The following ITGB5 variants were observed in gnomAD, a reference collection of about 807,000 sequenced individuals.
ITGB5 encodes the protein integrin subunit beta 5.
In ITGB5, 38 loss-of-function variants were observed where a neutral mutation model predicts 84.8. The ratio of observed to expected loss-of-function variants is 0.45; its 90% CI spans 0.35 to 0.59. The LOEUF (loss-of-function observed/expected upper bound fraction) is 0.59. Among genes scored for constraint, ITGB5 ranks in the 20% least tolerant of loss-of-function variants. The probability of loss-of-function intolerance (pLI) is 0.01; values close to 1 mark genes in which losing one functional copy is unlikely to be tolerated. For missense variants in ITGB5, 905 were observed against 1,034.5 expected (o/e 0.87, Z 1.72); for synonymous variants, 393 against 414.4 (o/e 0.95, Z 0.63).
At chr3:124,821,258 G>C in intron 6 of ITGB5, 55 bp downstream of exon 6, 1 of 1,557,348 alleles carries the variant, frequency 6.4e-7, no homozygotes, top group Non-Finnish European at 8.7e-7. Context: ...CTAAGACCAC[G>C]GGCAGGGTCA....
At chr3:124,883,698 T>C (rs1190606589) in intron 1 of ITGB5, among the ~76,000 whole-genome samples, 2 of 152,232 alleles carry the variant, frequency 1.3e-5, no homozygotes, top group African/African-American at 2.4e-5. Context: ...GATTGCTTTT[T>C]TAAAAAGAAA....
At chr3:124,812,302 A>G (rs1378536320) in intron 8 of ITGB5, among the ~76,000 whole-genome samples, 2 of 152,240 alleles carry the variant, frequency 1.3e-5, no homozygotes, top group Non-Finnish European at 2.9e-5. Context: ...AGTAGGAAAC[A>G]AGATGATGTT....
At chr3:124,790,771 C>T (rs2064138843) in intron 10 of ITGB5, among the ~76,000 whole-genome samples, 1 of 151,792 alleles carries the variant, frequency 6.6e-6, no homozygotes. Context: ...TTGCCTGCCA[C>T]ATAGTAATAA....
At chr3:124,783,290 CAAAAA>C (rs758967509) in intron 10 of ITGB5, among the ~76,000 whole-genome samples, 1 of 56,986 alleles carries the variant, frequency 1.8e-5, no homozygotes, top group African/African-American at 6.4e-5. Context: ...GACTCCGTCT[CAAAAA>C]AAAAAAAAAA....
intron 5 of ITGB5, among the ~76,000 whole-genome samples, chr3:124,832,367 G>A (rs1011914594): frequency 1.3e-5 from 2 of 152,174 alleles, no homozygotes; most frequent in Non-Finnish European, 2.9e-5. Context: ...GTAAAACTTT[G>A]GGGAAGTTAC....
chr3:124,879,941 C>T (rs541943565), intron 1 of ITGB5, among the ~76,000 whole-genome samples: 71 of 152,316 alleles, frequency 4.7e-4, no homozygotes, highest in African/African-American at 1.5e-3. Context: ...AGAGGCTTCT[C>T]GCTTGATATG....
intron 1 of ITGB5, among the ~76,000 whole-genome samples, chr3:124,881,739 G>T (rs1412313363): frequency 6.6e-5 from 10 of 151,966 alleles, no homozygotes; most frequent in Non-Finnish European, 1.5e-5. Context: ...AGGCCAAGGT[G>T]GGCAGATCAC....
intron 2 of ITGB5, among the ~76,000 whole-genome samples, chr3:124,861,826 C>T (rs2065307744): frequency 1.3e-5 from 2 of 152,206 alleles, no homozygotes; most frequent in South Asian, 4.1e-4. Context: ...TCCCAAAATG[C>T]TGGAATTACA....
Position 124,847,839 on chromosome 3 carries a change from C to T in ITGB5, c.611+470G>A, listed in dbSNP as rs1245780368. Among the ~76,000 whole-genome samples, 4 of 152,188 alleles carry T rather than the reference C, an allele frequency of 2.6e-5. No individual in the cohort carries two copies. In the East Asian group the frequency reaches 7.7e-4, roughly 29 times the overall value. ...AGGTGTTTATGTTGAAAAAAAAATT[C>T]TTACATTTAAAATAGGATTTTAATC... is the stretch of plus-strand genomic sequence containing the variant. On this transcript the variant is annotated intron_variant, in intron 4 of 14. Coordinates refer to ENST00000296181, the MANE Select transcript of ITGB5 (RefSeq NM_002213.5).
In ITGB5 at chr3:124,766,296, G is replaced by A. The variant is rs768186371; in HGVS notation, c.2067C>T (p.Asp689=). Residue 689 remains aspartate, a synonymous_variant, in exon 13 of 15, where the codon GAC becomes GAT. Coordinates refer to ENST00000296181, the MANE Select transcript of ITGB5 (RefSeq NM_002213.5). The stretch of plus-strand genomic sequence containing the variant: ...CCACATAGGTGAACATCATGACGCA[G>A]TCCTTGGCGGTTTTGTAGAAACATA... The part of the protein sequence containing the change: ...AVLCFYKTAK[D]CVMMFTYVEL... 17 of 1,614,138 alleles carry A rather than the reference G, an allele frequency of 1.1e-5. No individual in the cohort carries two copies. Among genetic ancestry groups the A allele is most frequent in the African/African-American group, 1.3e-5 (1 of 75,044 alleles).
chr3:124,808,664 A>T (rs1211175262), intron 9 of ITGB5, among the ~76,000 whole-genome samples: 1 of 152,258 alleles, frequency 6.6e-6, no homozygotes, highest in African/African-American at 2.4e-5. Flanking sequence ...AGCTATTTGC[A>T]GAAGACTAGG....
At chr3:124,796,880 G>C in intron 9 of ITGB5, 63 bp from the exon 10 acceptor site, 1 of 1,498,216 alleles carries the variant, frequency 6.7e-7, no homozygotes, top group Non-Finnish European at 9.0e-7. Flanking sequence ...CATTCACCCA[G>C]GGGCAGGGCC....
At chr3:124,800,478 C>A (rs1192135454) in intron 9 of ITGB5, among the ~76,000 whole-genome samples, 1 of 152,190 alleles carries the variant, frequency 6.6e-6, no homozygotes, top group Admixed American at 6.5e-5. Flanking sequence ...AACACTTGGG[C>A]ACTGTCTGCC....
intron 1 of ITGB5, among the ~76,000 whole-genome samples, chr3:124,894,128 A>ATTTTTATTTT (rs1464038480): frequency 3.2e-5 from 2 of 61,980 alleles, no homozygotes; most frequent in East Asian, 7.2e-4. Context: ...AAGTTGTGAT[A>ATTTTTATTTT]TTTTTCTTTT....
intron 8 of ITGB5, among the ~76,000 whole-genome samples, chr3:124,813,453 C>A (rs2064536690): frequency 6.6e-6 from 1 of 152,146 alleles, no homozygotes; most frequent in Non-Finnish European, 1.5e-5. Context: ...CAAGACTGCC[C>A]CCACCGCAGA....
At chr3:124,777,008 G>A (rs1302025972) in intron 10 of ITGB5, among the ~76,000 whole-genome samples, 2 of 152,210 alleles carry the variant, frequency 1.3e-5, no homozygotes, top group African/African-American at 2.4e-5. Context: ...ATGGCTGGGG[G>A]GCAGGGAAGC....
upstream of ITGB5, among the ~76,000 whole-genome samples, chr3:124,890,449 C>T (rs928835810): frequency 3.9e-5 from 6 of 152,056 alleles, no homozygotes; most frequent in African/African-American, 1.4e-4. Flanking sequence ...TCATGATCCG[C>T]CCGCCTCGGC....
intron 1 of ITGB5, among the ~76,000 whole-genome samples, chr3:124,896,726 C>G (rs908718888): frequency 3.0e-5 from 4 of 133,208 alleles, no homozygotes; most frequent in Non-Finnish European, 6.2e-5. Flanking sequence ...CATCCTGGGA[C>G]ACAGAGTGAG....
intron 13 of ITGB5, among the ~76,000 whole-genome samples, chr3:124,765,824 A>G (rs911447450): frequency 6.6e-6 from 1 of 152,180 alleles, no homozygotes; most frequent in African/African-American, 2.4e-5. Flanking sequence ...TGTGAGGCCA[A>G]GACAGGTGGA....
Sources: gnomAD v4.1 joint callset for allele counts (sites outside exome capture counted in the v4.1 genomes callset) on GRCh38, gnomAD v4.1.1 for gene constraint, MANE v1.5 for transcripts, NCBI Gene and HGNC (gene_info 2026-07-23, HGNC 2026-07-21) for gene names.